Variants in CSMD1 observed in about 807,000 individuals in gnomAD.
CSMD1 encodes the protein CUB and sushi domain-containing protein 1.
Under a neutral mutation model 417.5 loss-of-function variants are expected in CSMD1, and 213 were observed. That is an observed-to-expected ratio of 0.51 (90% CI 0.46 to 0.57). The LOEUF (loss-of-function observed/expected upper bound fraction) is 0.57, where lower values mean the gene tolerates loss of function less well. Ranked by LOEUF, CSMD1 falls within the 20% of genes least tolerant of loss-of-function variation. The pLI is 0.00. For missense variants in CSMD1, 6,923 were observed against 4,529.7 expected, an observed-to-expected ratio of 1.53 and a Z score of -15.17; for synonymous variants, 2,862 against 1,736.8, an observed-to-expected ratio of 1.65 and a Z score of -16.11.
At position 4,357,896 on chromosome 8, in the gene CSMD1, G is replaced by C. The variant is rs534861352; in HGVS notation, c.415+62057C>G. On this transcript the variant is annotated intron_variant, in intron 3 of 69. Coordinates refer to ENST00000635120, the MANE Select transcript of CSMD1 (RefSeq NM_033225.6). ...ATGCTAAAATCATAGACGTATAATTGTAGTATTTATAAAAAATAGAGAATA... is the reference window on the plus strand; with the variant it reads ...ATGCTAAAATCATAGACGTATAATTCTAGTATTTATAAAAAATAGAGAATA... Among the ~76,000 whole-genome samples the C allele has an allele frequency of 5.9e-5, 9 of 152,144 alleles. No homozygotes were observed. In the East Asian group the frequency reaches 1.5e-3, roughly 26 times the overall value.
chr8:3,612,079 A>G (rs2117141746), intron 8 of CSMD1, among the ~76,000 whole-genome samples: 1 of 152,274 alleles, frequency 6.6e-6, no homozygotes, highest in Non-Finnish European at 1.5e-5. Flanking sequence ...ATGTTGTGCA[A>G]CAGATTGAAT....
chr8:4,767,607 C>A (rs917642783), intron 1 of CSMD1, among the ~76,000 whole-genome samples: 1 of 152,146 alleles, frequency 6.6e-6, no homozygotes, highest in Non-Finnish European at 1.5e-5. Flanking sequence ...CTCCCTAGGA[C>A]CTGCGACCTG....
chr8:3,565,455 G>T (rs1023995366), intron 10 of CSMD1, among the ~76,000 whole-genome samples: 1 of 152,098 alleles, frequency 6.6e-6, no homozygotes, highest in Admixed American at 6.5e-5. Context: ...TCCGTGAATC[G>T]CCTCCTTAAT....
chr8:3,502,003 G>A (rs1796621153), intron 10 of CSMD1, among the ~76,000 whole-genome samples: 1 of 152,118 alleles, frequency 6.6e-6, no homozygotes, highest in African/African-American at 2.4e-5. Context: ...CACTTTGGAA[G>A]ATACTTTGGA....
chr8:3,816,492 T>C (rs1801372406), intron 5 of CSMD1, among the ~76,000 whole-genome samples: 1 of 152,174 alleles, frequency 6.6e-6, no homozygotes, highest in South Asian at 2.1e-4. Flanking sequence ...GCCTAATTTA[T>C]AAATTAAACT....
At chr8:3,064,465 C>T (rs564372822) in intron 49 of CSMD1, among the ~76,000 whole-genome samples, 3 of 152,184 alleles carry the variant, frequency 2.0e-5, no homozygotes, top group African/African-American at 7.2e-5. Flanking sequence ...CTCCCAGCCA[C>T]GTTTCCTGTA....
intron 10 of CSMD1, among the ~76,000 whole-genome samples, chr8:3,518,350 A>T (rs1176451440): frequency 1.3e-5 from 2 of 152,202 alleles, no homozygotes; most frequent in Non-Finnish European, 2.9e-5. Context: ...CCTGCGTACC[A>T]ACATCATATA....
At chr8:4,937,086 A>C (rs1044946073) in intron 1 of CSMD1, among the ~76,000 whole-genome samples, 3 of 152,116 alleles carry the variant, frequency 2.0e-5, no homozygotes, top group African/African-American at 7.2e-5. Context: ...TGTGGCACAC[A>C]CCTGTAGTCC....
intron 2 of CSMD1, among the ~76,000 whole-genome samples, chr8:4,455,102 G>C (rs1248092241): frequency 6.6e-6 from 1 of 152,126 alleles, no homozygotes; most frequent in African/African-American, 2.4e-5. Flanking sequence ...CTTAAGGTCT[G>C]ACACGTAATA....
At chr8:4,124,984 G>C (rs9314518) in intron 3 of CSMD1, among the ~76,000 whole-genome samples, 17 of 151,258 alleles carry the variant, frequency 1.1e-4, no homozygotes, top group African/African-American at 3.9e-4. Context: ...TGTCGCTTTT[G>C]CTTTCCTTTC....
At chr8:4,933,438 T>G (rs1456005480) in intron 1 of CSMD1, among the ~76,000 whole-genome samples, 1 of 152,190 alleles carries the variant, frequency 6.6e-6, no homozygotes, top group Non-Finnish European at 1.5e-5. Flanking sequence ...TGTGTCAAGA[T>G]AAAGAAAATT....
At chr8:3,291,074 T>A (rs922111645) in intron 25 of CSMD1, among the ~76,000 whole-genome samples, 3 of 152,206 alleles carry the variant, frequency 2.0e-5, no homozygotes, top group Non-Finnish European at 4.4e-5. Flanking sequence ...CTGCATCTTT[T>A]GAGATAATCA....
chr8:3,473,470 C>T (rs919781194), intron 11 of CSMD1, among the ~76,000 whole-genome samples: 2 of 152,062 alleles, frequency 1.3e-5, no homozygotes, highest in Admixed American at 6.5e-5. Flanking sequence ...TTATTTAAAA[C>T]AAAAGAACTT....
At chr8:4,672,892 A>C (rs13249573) in intron 1 of CSMD1, among the ~76,000 whole-genome samples, 9,303 of 152,240 alleles carry the variant, frequency 0.061, 400 homozygotes, top group Non-Finnish European at 0.086. Context: ...ACACCGAAAC[A>C]TGAGACAACA....
intron 5 of CSMD1, among the ~76,000 whole-genome samples, chr8:3,846,690 C>T (rs1803527293): frequency 6.6e-6 from 1 of 152,150 alleles, no homozygotes; most frequent in Non-Finnish European, 1.5e-5. Context: ...TGGAGTTTCT[C>T]TCTGTCGCCC....
chr8:4,654,919 A>C (rs552807777), intron 1 of CSMD1, among the ~76,000 whole-genome samples: 1 of 152,178 alleles, frequency 6.6e-6, no homozygotes, highest in South Asian at 2.1e-4. Context: ...TACCCATGTA[A>C]CAAACCTGCA....
At chr8:4,332,357 G>A (rs10103498) in intron 3 of CSMD1, among the ~76,000 whole-genome samples, 52,714 of 151,812 alleles carry the variant, frequency 0.35, 9,403 homozygotes, top group South Asian at 0.46. Context: ...AAGGAAGACA[G>A]CATTGCACTC....
chr8:4,339,009 G>T (rs1206590887), intron 3 of CSMD1, among the ~76,000 whole-genome samples: 1 of 152,072 alleles, frequency 6.6e-6, no homozygotes, highest in African/African-American at 2.4e-5. Flanking sequence ...GAAAAGCAAG[G>T]CTTTTCTGTG....
intron 5 of CSMD1, among the ~76,000 whole-genome samples, chr8:3,895,138 C>T (rs1233997440): frequency 6.6e-6 from 1 of 152,152 alleles, no homozygotes; most frequent in African/African-American, 2.4e-5. Flanking sequence ...ATCACCTAGA[C>T]ATTGGCTTTA....
Sources: gnomAD v4.1 joint callset for allele counts (sites outside exome capture counted in the v4.1 genomes callset) on GRCh38, gnomAD v4.1.1 for gene constraint, MANE v1.5 for transcripts, NCBI Gene and HGNC (gene_info 2026-07-23, HGNC 2026-07-21) for gene names.